Variants in GPHN observed in about 807,000 individuals in gnomAD.
The protein encoded by GPHN is gephyrin.
Under a neutral mutation model 95.5 loss-of-function variants are expected in GPHN, and 17 were observed. That is an observed-to-expected ratio of 0.18 (90% CI 0.12 to 0.27). The LOEUF (loss-of-function observed/expected upper bound fraction) is 0.27, where lower values mean the gene tolerates loss of function less well. Among genes scored for constraint, GPHN ranks in the 10% least tolerant of loss-of-function variants. The pLI, the probability that GPHN is intolerant of heterozygous loss-of-function variation, is 1.00. For synonymous variants in GPHN, 320 were observed against 322.5 expected, an observed-to-expected ratio of 0.99 and a Z score of 0.08; for missense variants, 660 against 978.1, an observed-to-expected ratio of 0.67 and a Z score of 4.34.
chr14:66,709,290 A>G (rs2069384936), intron 2 of GPHN: 1 of 455,432 alleles, frequency 2.2e-6, no homozygotes. Flanking sequence ...TTAGATTGAA[A>G]GCACCCTGAA....
At chr14:67,619,260 A>G in the GPHN span, among the ~76,000 whole-genome samples, 2 of 152,246 alleles carry the variant, frequency 1.3e-5, no homozygotes, top group Non-Finnish European at 2.9e-5. Context: ...TGCTTTTTTA[A>G]TAACCAGCGC....
At chr14:67,732,403 C>T in the GPHN span, among the ~76,000 whole-genome samples, 1 of 148,154 alleles carries the variant, frequency 6.7e-6, no homozygotes, top group Non-Finnish European at 1.5e-5. Context: ...GCACTCCAGC[C>T]TGGGTGATGA....
chr14:66,615,237 T>G (rs1406564043), intron 1 of GPHN, among the ~76,000 whole-genome samples: 1 of 152,190 alleles, frequency 6.6e-6, no homozygotes, highest in Non-Finnish European at 1.5e-5. Flanking sequence ...AGTGATGGGA[T>G]TGCTGGGTCA....
In GPHN at chr14:66,677,838, C is replaced by T. The variant is rs570823495; in HGVS notation, c.65-3269C>T. Among the ~76,000 whole-genome samples, 366 of 152,218 alleles carry T rather than the reference C, an allele frequency of 2.4e-3. 4 individuals are homozygous for T. Among genetic ancestry groups the T allele is most frequent in the African/African-American group, 8.3e-3 (345 of 41,556 alleles). On this transcript the variant is annotated intron_variant, in intron 1 of 22. Transcript: ENST00000478722. ...CCATCTTTAGATCCATTTGGACACA[C>T]ATTTTTGAAGGATAACTTTGTTGGG... is the stretch of plus-strand genomic sequence containing the variant.
chr14:66,569,960 A>C (rs560833396), intron 1 of GPHN, among the ~76,000 whole-genome samples: 2 of 152,200 alleles, frequency 1.3e-5, no homozygotes, highest in South Asian at 4.2e-4. Context: ...CTCCATCCCT[A>C]GCCCCTGAGA....
At chr14:67,062,895 C>A (rs941620610) in intron 11 of GPHN, among the ~76,000 whole-genome samples, 1 of 152,104 alleles carries the variant, frequency 6.6e-6, no homozygotes, top group Non-Finnish European at 1.5e-5. Flanking sequence ...ATGGTAGTTT[C>A]TTTTACCGTG....
chr14:66,585,186 A>G (rs1271279718), intron 1 of GPHN, among the ~76,000 whole-genome samples: 1 of 152,038 alleles, frequency 6.6e-6, no homozygotes, highest in Non-Finnish European at 1.5e-5. Flanking sequence ...AGAGGTGTTT[A>G]TAGTATTCTC....
chr14:67,569,371 A>G, the GPHN span, among the ~76,000 whole-genome samples: 1 of 146,252 alleles, frequency 6.8e-6, no homozygotes, highest in Non-Finnish European at 1.5e-5. Context: ...AAATCACAGC[A>G]AGTCCCACCT....
intron 1 of GPHN, among the ~76,000 whole-genome samples, chr14:66,518,099 A>G (rs1008350353): frequency 3.0e-5 from 4 of 131,780 alleles, no homozygotes; most frequent in African/African-American, 1.2e-4. Context: ...ACAGCCAAAT[A>G]AATAAATAAA....
At chr14:66,890,007 C>T (rs2064392509) in intron 5 of GPHN, among the ~76,000 whole-genome samples, 1 of 152,070 alleles carries the variant, frequency 6.6e-6, no homozygotes, top group Non-Finnish European at 1.5e-5. Context: ...AGTTGAATAA[C>T]CCAGACGAAG....
At chr14:67,432,419 G>T in the GPHN span, among the ~76,000 whole-genome samples, 1 of 152,222 alleles carries the variant, frequency 6.6e-6, no homozygotes, top group Admixed American at 6.5e-5. Flanking sequence ...CTTCTGCAAA[G>T]AGAGACTTGC....
chr14:67,382,468 C>T, the GPHN span: 15 of 1,613,226 alleles, frequency 9.3e-6, no homozygotes, highest in Admixed American at 6.7e-5. Flanking sequence ...AGCTCCTCCT[C>T]GGTATGTAAT....
intron 2 of GPHN, among the ~76,000 whole-genome samples, chr14:66,743,572 TA>T (rs201025629): frequency 2.7e-5 from 4 of 150,524 alleles, no homozygotes; most frequent in African/African-American, 4.9e-5. Flanking sequence ...CCTTCTCTAG[TA>T]AAAAAAAATA....
chr14:67,651,480 C>T, the GPHN span: 7 of 1,613,616 alleles, frequency 4.3e-6, no homozygotes, highest in Non-Finnish European at 5.9e-6. Context: ...TTGGTTGTCA[C>T]TCTACAAAGA....
At chr14:66,734,942 T>C (rs191653062) in intron 2 of GPHN, among the ~76,000 whole-genome samples, 2 of 152,346 alleles carry the variant, frequency 1.3e-5, no homozygotes, top group African/African-American at 4.8e-5. Context: ...TGAAATTCAC[T>C]ATTTACTATG....
chr14:66,573,648 G>T (rs570521308), intron 1 of GPHN, among the ~76,000 whole-genome samples: 5 of 151,982 alleles, frequency 3.3e-5, no homozygotes, highest in Non-Finnish European at 5.9e-5. Flanking sequence ...GTAGAGACGG[G>T]GTTTCACCAT....
At chr14:67,473,774 G>A in the GPHN span, 3 of 1,613,958 alleles carry the variant, frequency 1.9e-6, no homozygotes, top group Non-Finnish European at 2.5e-6. The surrounding 1 kb of genome is among the most constrained non-coding windows in gnomAD (Gnocchi z 6.5). Context: ...CGTAGATGAA[G>A]AGGGCCCACA....
intron 11 of GPHN, among the ~76,000 whole-genome samples, chr14:67,080,642 A>T (rs1420656253): frequency 6.6e-6 from 1 of 152,052 alleles, no homozygotes; most frequent in East Asian, 1.9e-4. Context: ...ATTAGGGAAC[A>T]GGTGGTGTTT....
chr14:66,886,495 C>A (rs559794279), intron 5 of GPHN, among the ~76,000 whole-genome samples: 1 of 151,034 alleles, frequency 6.6e-6, no homozygotes, highest in East Asian at 1.9e-4. Context: ...TGCAGCAGTT[C>A]CAGTGAATTA....
Sources: gnomAD v4.1 joint callset for allele counts (sites outside exome capture counted in the v4.1 genomes callset) on GRCh38, gnomAD v4.1.1 for gene constraint, Gnocchi (gnomAD v3.1) non-coding constraint, MANE v1.5 for transcripts, NCBI Gene and HGNC (gene_info 2026-07-23, HGNC 2026-07-21) for gene names.